The following TNIK variants were observed in gnomAD, a reference collection of about 807,000 sequenced individuals.
TNIK encodes the protein TRAF2 and NCK interacting kinase.
In TNIK, 49 loss-of-function variants were observed where a neutral mutation model predicts 191.3. The ratio of observed to expected loss-of-function variants is 0.26; its 90% CI spans 0.20 to 0.32. The LOEUF (loss-of-function observed/expected upper bound fraction) is 0.32. Among genes scored for constraint, TNIK ranks in the 10% least tolerant of loss-of-function variants. TNIK has a pLI of 1.00. For synonymous variants in TNIK, 594 were observed against 600.9 expected, an observed-to-expected ratio of 0.99 and a Z score of 0.17; for missense variants, 1,155 against 1,702.3, an observed-to-expected ratio of 0.68 and a Z score of 5.66.
chr3:171,385,476 G>C (rs1172454349), intron 1 of TNIK, among the ~76,000 whole-genome samples: 1 of 152,150 alleles, frequency 6.6e-6, no homozygotes, highest in Non-Finnish European at 1.5e-5. Flanking sequence ...CTCAAGAAAG[G>C]AGAAAGGATG....
At chr3:171,291,034 T>G (rs535963617) in intron 2 of TNIK, among the ~76,000 whole-genome samples, 16 of 152,272 alleles carry the variant, frequency 1.1e-4, no homozygotes, top group African/African-American at 3.6e-4. Context: ...TTTAGCATTA[T>G]TTTTTTAGTG....
In TNIK at chr3:171,061,845, C is replaced by G. The variant is rs1717862083; in HGVS notation, c.*2036G>C. 1 of 152,164 alleles carries G rather than the reference C, an allele frequency of 6.6e-6. No individual in the cohort carries two copies. Among genetic ancestry groups the G allele is most frequent in the South Asian group, 2.1e-4 (1 of 4,828 alleles). 9.4% of individuals were successfully genotyped at this position (152,164 alleles called of 1,614,324 possible). ...AGATAGTATTGTTCAGCAGCACAAC[C>G]ACAGCAGTAAAAATGAGAACAGGAG... On this transcript the variant is annotated 3_prime_UTR_variant, in exon 33 of 33. Transcript: ENST00000436636.
chr3:171,059,869 A>ACTT lies in TNIK; in HGVS notation c.*4011_*4012insAAG, dbSNP rs1313390097. Among the ~76,000 whole-genome samples, 4 of 152,226 alleles carry ACTT rather than the reference A, an allele frequency of 2.6e-5. No homozygotes were observed. The highest frequency in any genetic ancestry group is 5.9e-5 in the Non-Finnish European group (4 of 68,040). On this transcript the variant is annotated 3_prime_UTR_variant, in exon 33 of 33. Coordinates refer to ENST00000436636, the MANE Select transcript of TNIK (RefSeq NM_015028.4). ...TGAACTAAAAGGTAACTAACAAGTT[A>ACTT]GAGACTGTTGAAATGATCAGAACAT...
At chr3:171,195,114 T>A (rs1284455218) in intron 4 of TNIK, among the ~76,000 whole-genome samples, 1 of 152,212 alleles carries the variant, frequency 6.6e-6, no homozygotes, top group African/African-American at 2.4e-5. Flanking sequence ...TGTTTTTAAT[T>A]AACTTCAGCG....
intron 2 of TNIK, among the ~76,000 whole-genome samples, chr3:171,322,048 T>C (rs1027440391): frequency 6.6e-6 from 1 of 152,220 alleles, no homozygotes; most frequent in African/African-American, 2.4e-5. Flanking sequence ...GTTTAGATTG[T>C]GGGATTTTAT....
chr3:171,113,875 C>T (rs911006321), intron 18 of TNIK, among the ~76,000 whole-genome samples: 1 of 151,552 alleles, frequency 6.6e-6, no homozygotes, highest in Non-Finnish European at 1.5e-5. Flanking sequence ...GAGCACAGAG[C>T]CATATGGAAG....
At chr3:171,429,895 T>C (rs1370633278) in intron 1 of TNIK, among the ~76,000 whole-genome samples, 2 of 152,146 alleles carry the variant, frequency 1.3e-5, no homozygotes, top group African/African-American at 2.4e-5. Flanking sequence ...TTTGCTGTCC[T>C]TACCACTCCT....
intron 1 of TNIK, among the ~76,000 whole-genome samples, chr3:171,443,331 C>T (rs1013489131): frequency 7.2e-5 from 11 of 152,112 alleles, no homozygotes; most frequent in African/African-American, 2.4e-4. Flanking sequence ...CTTTCAACCA[C>T]GCCAATTGCA....
intron 2 of TNIK, among the ~76,000 whole-genome samples, chr3:171,334,253 C>G (rs12632985): frequency 0.68 from 103,574 of 152,102 alleles, 36,135 homozygotes; most frequent in African/African-American, 0.84. Context: ...GCCTGTTTGC[C>G]CTTGCTCTCT....
intron 2 of TNIK, among the ~76,000 whole-genome samples, chr3:171,327,227 T>C (rs1755869341): frequency 6.6e-6 from 1 of 152,196 alleles, no homozygotes; most frequent in Non-Finnish European, 1.5e-5. Context: ...ATCCTGAGTA[T>C]GAAGTGGCTT....
chr3:171,157,333 G>T (rs1733323395), intron 12 of TNIK, 127 bp downstream of exon 12: 2 of 1,160,386 alleles, frequency 1.7e-6, no homozygotes, highest in Admixed American at 2.6e-5. Flanking sequence ...ATCTGCCCTT[G>T]CAGTCAACCC....
At chr3:171,137,283 T>G (rs1055917614) in intron 15 of TNIK, among the ~76,000 whole-genome samples, 1 of 151,864 alleles carries the variant, frequency 6.6e-6, no homozygotes, top group Admixed American at 6.6e-5. Flanking sequence ...CTAGTAATAT[T>G]GCATTCTAGA....
chr3:171,058,817 C>T lies in TNIK; in HGVS notation c.*5064G>A, dbSNP rs543914026. 2.0e-4 allele frequency among the ~76,000 whole-genome samples: 30 copies of T among 152,276 alleles called. No individual in the cohort carries two copies. The highest frequency in any genetic ancestry group is 7.0e-4 in the African/African-American group (29 of 41,562). On this transcript the variant is annotated 3_prime_UTR_variant, in exon 33 of 33. Transcript: ENST00000436636. ...ATTAACATAAATAAGGCAGCTAAAA[C>T]GTTCAAAAATAGTTTTACAACATTC...
intron 9 of TNIK, among the ~76,000 whole-genome samples, chr3:171,169,170 CA>C (rs1436019782): frequency 6.6e-6 from 1 of 151,798 alleles, no homozygotes; most frequent in African/African-American, 2.4e-5. Context: ...AAGATGAAAA[CA>C]AAAATTAAGA....
chr3:171,346,973 C>T, intron 2 of TNIK: 1 of 592,274 alleles, frequency 1.7e-6, no homozygotes, highest in Non-Finnish European at 2.8e-6. Context: ...ACTGGCTGCA[C>T]AGTAGGAATG....
At chr3:171,291,796 T>C (rs13068581) in intron 2 of TNIK, among the ~76,000 whole-genome samples, 27,569 of 152,128 alleles carry the variant, frequency 0.18, 2,701 homozygotes, top group Middle Eastern at 0.21. Context: ...TTGGAAAAAT[T>C]TGGTCATTAT....
intron 2 of TNIK, among the ~76,000 whole-genome samples, chr3:171,330,124 ATCT>A (rs1319199789): frequency 1.3e-5 from 2 of 152,222 alleles, no homozygotes; most frequent in African/African-American, 4.8e-5. Context: ...ATTCTGAATG[ATCT>A]TCTTCCTTCG....
intron 2 of TNIK, among the ~76,000 whole-genome samples, chr3:171,262,863 G>T (rs1320355026): frequency 6.6e-6 from 1 of 152,144 alleles, no homozygotes; most frequent in East Asian, 1.9e-4. Flanking sequence ...TGGTTTAAGG[G>T]GTGGTTGTGA....
chr3:171,140,674 G>C (rs1730695036), intron 12 of TNIK, among the ~76,000 whole-genome samples, 165 bp from the exon 13 acceptor site: 1 of 152,140 alleles, frequency 6.6e-6, no homozygotes, highest in South Asian at 2.1e-4. Flanking sequence ...ACACTGGCAG[G>C]GAGCGGGTGA....
Sources: allele counts gnomAD v4.1 joint callset (sites outside exome capture counted in the v4.1 genomes callset), GRCh38; gene constraint gnomAD v4.1.1; transcripts MANE v1.5; gene names NCBI Gene and HGNC (gene_info 2026-07-23, HGNC 2026-07-21).